Variants in KIF1A observed in about 807,000 individuals in gnomAD.
KIF1A encodes the protein kinesin family member 1A, also known as kinesin-like protein KIF1A.
In KIF1A, 46 loss-of-function variants were observed where a neutral mutation model predicts 227.3. The ratio of observed to expected loss-of-function variants is 0.20; its 90% CI spans 0.16 to 0.26. The LOEUF (loss-of-function observed/expected upper bound fraction) is 0.26, where lower values mean the gene tolerates loss of function less well. Ranked by LOEUF, KIF1A falls within the 10% of genes least tolerant of loss-of-function variation. The pLI, the probability that KIF1A is intolerant of heterozygous loss-of-function variation, is 1.00. For synonymous variants in KIF1A, 1,022 were observed against 1,012.8 expected (o/e 1.01, Z -0.17); for missense variants, 1,683 against 2,485.9 (o/e 0.68, Z 6.87).
At chr2:240,772,883 C>T (rs1575603201) in intron 13 of KIF1A, among the ~76,000 whole-genome samples, 1 of 152,238 alleles carries the variant, frequency 6.6e-6, no homozygotes, top group Non-Finnish European at 1.5e-5. Flanking sequence ...GGAAACTTGC[C>T]CTTGTCCAGG....
At chr2:240,814,315 A>G (rs1215416428) in intron 1 of KIF1A, among the ~76,000 whole-genome samples, 1 of 152,088 alleles carries the variant, frequency 6.6e-6, no homozygotes, top group Non-Finnish European at 1.5e-5. Context: ...TTGCCAACAA[A>G]GCCTGCTCAT....
At chr2:240,746,986 C>A (rs893813985) in intron 29 of KIF1A, among the ~76,000 whole-genome samples, 1 of 152,158 alleles carries the variant, frequency 6.6e-6, no homozygotes, top group Non-Finnish European at 1.5e-5. Context: ...ACCTGCTCTG[C>A]GCCCCGACTT....
intron 10 of KIF1A, among the ~76,000 whole-genome samples, chr2:240,776,723 G>A (rs1036238594): frequency 1.3e-5 from 2 of 152,220 alleles, no homozygotes; most frequent in Admixed American, 6.5e-5. Flanking sequence ...CTGCTGGGCC[G>A]GCAGATGAGG....
At chr2:240,743,370 G>A (rs992601003) in intron 33 of KIF1A, among the ~76,000 whole-genome samples, 4 of 152,220 alleles carry the variant, frequency 2.6e-5, no homozygotes, top group African/African-American at 9.6e-5. Context: ...GCCCACCCGA[G>A]GCCTCTCTGC....
At chr2:240,728,419 G>T (rs1284083302) in intron 38 of KIF1A, 1 of 1,301,628 alleles carries the variant, frequency 7.7e-7, no homozygotes, top group Admixed American at 2.3e-5. Context: ...AACGCTAAAG[G>T]TGGAGGCAGC....
chr2:240,810,790 G>C (rs969553597), intron 1 of KIF1A, among the ~76,000 whole-genome samples: 1 of 152,170 alleles, frequency 6.6e-6, no homozygotes, highest in African/African-American at 2.4e-5. Flanking sequence ...CGTGGAGGGG[G>C]TCTAAGGGCC....
At chr2:240,787,906 C>T (rs1559531260) in intron 4 of KIF1A, 145 bp downstream of exon 4, 2 of 737,418 alleles carry the variant, frequency 2.7e-6, no homozygotes, top group Non-Finnish European at 4.4e-6. Context: ...CCTGCCCCAG[C>T]CCCACTCTTG....
At position 240,745,777 on chromosome 2, in the gene KIF1A, C is replaced by A; in HGVS notation, c.3335G>T (p.Ser1112Ile). The A allele has an allele frequency of 6.2e-7, 1 of 1,612,892 alleles. No homozygotes were observed. Among genetic ancestry groups the A allele is most frequent in the Non-Finnish European group, 8.5e-7 (1 of 1,179,660 alleles). ...TFRVTVLQAS[S>I]ISAEYADIFC... ...GATGTCGGCATATTCGGCAGAGATGCTGGACGCCTGCAGGACTGTCACACG... is the reference window on the plus strand; with the variant it reads ...GATGTCGGCATATTCGGCAGAGATGATGGACGCCTGCAGGACTGTCACACG... Residue 1112 changes from serine (S) to isoleucine (I), a missense_variant, in exon 31 of 49, where the codon AGC (serine) becomes ATC (isoleucine). Physicochemically the swap from Ser to Ile is moderately radical, Grantham distance 142 (BLOSUM62 -2). Transcript: ENST00000498729.
At chr2:240,751,438 G>T (rs573846117) in intron 27 of KIF1A, among the ~76,000 whole-genome samples, 2 of 152,128 alleles carry the variant, frequency 1.3e-5, no homozygotes. Context: ...GAGACTCAGC[G>T]GGCTGTGAAC....
chr2:240,729,062 C>A (rs112922973), intron 38 of KIF1A, among the ~76,000 whole-genome samples: 1 of 152,158 alleles, frequency 6.6e-6, no homozygotes, highest in African/African-American at 2.4e-5. Context: ...ACGTCAGCAC[C>A]GCTGTCTGGT....
chr2:240,745,525 G>T lies in KIF1A; in HGVS notation c.3375-8C>A, dbSNP rs2048485549. ...TCGTGGCGGTGGATGAAGCTGCAAAGCAGAGGAGATGCTTTGGTGTGGGGT... is the reference window on the plus strand; with the variant it reads ...TCGTGGCGGTGGATGAAGCTGCAAATCAGAGGAGATGCTTTGGTGTGGGGT... On this transcript the variant is annotated splice_polypyrimidine_tract_variant and splice_region_variant and intron_variant, in intron 31 of 48. Coordinates refer to ENST00000498729, the MANE Select transcript of KIF1A (RefSeq NM_001244008.2). 6.2e-7 allele frequency: 1 copy of T among 1,605,096 alleles called. No homozygotes were observed. Among genetic ancestry groups the T allele is most frequent in the African/African-American group, 1.3e-5 (1 of 74,804 alleles).
chr2:240,797,813 C>T lies in KIF1A; in HGVS notation c.-60-1G>A. The T allele has an allele frequency of 9.5e-7, 1 of 1,051,410 alleles. No homozygotes were observed. The highest frequency in any genetic ancestry group is 1.4e-6 in the Non-Finnish European group (1 of 710,262). 65.1% of individuals were successfully genotyped at this position (1,051,410 alleles called of 1,614,324 possible). A position where few individuals can be genotyped will look rare whatever the true frequency, so the allele number is the denominator to read the frequency against. On this transcript the variant is annotated splice_acceptor_variant, in intron 1 of 48. Transcript: ENST00000498729. LOFTEE classifies it low-confidence loss of function (5UTR_SPLICE). ...GGGAGCCCCAGTGTGGGGGGAACAC[C>T]TTGGAAAAAAGGGAAACATGAATTA...
At chr2:240,732,820 CGAT>C (rs2046893813) in intron 38 of KIF1A, among the ~76,000 whole-genome samples, 2 of 77,726 alleles carry the variant, frequency 2.6e-5, no homozygotes, top group South Asian at 1.0e-3. Context: ...AGGGACGAGA[CGAT>C]GAGGGGGAAT....
chr2:240,718,414 C>A (rs1048345613), intron 47 of KIF1A, among the ~76,000 whole-genome samples: 1 of 152,232 alleles, frequency 6.6e-6, no homozygotes, highest in Non-Finnish European at 1.5e-5. Flanking sequence ...GACGTGACTG[C>A]CCCTCATGGC....
intron 37 of KIF1A, among the ~76,000 whole-genome samples, chr2:240,738,456 G>A (rs892592556): frequency 2.6e-5 from 4 of 152,198 alleles, no homozygotes; most frequent in African/African-American, 9.6e-5. Flanking sequence ...GGCCCTCTTG[G>A]GAGGGATGCT....
chr2:240,728,658 C>T (rs1194284879), intron 38 of KIF1A, among the ~76,000 whole-genome samples: 1 of 152,230 alleles, frequency 6.6e-6, no homozygotes, highest in Non-Finnish European at 1.5e-5. Flanking sequence ...CGTCTGTCCT[C>T]AGCTGGGCCA....
intron 4 of KIF1A, 70 bp downstream of exon 4, chr2:240,787,981 C>T (rs1275837676): frequency 1.2e-5 from 17 of 1,444,282 alleles, no homozygotes; most frequent in East Asian, 2.5e-5. Flanking sequence ...GTGCCTGGCC[C>T]GGAGCTCTCA....
chr2:240,738,153 C>A (rs972354696), intron 37 of KIF1A, among the ~76,000 whole-genome samples: 2 of 152,228 alleles, frequency 1.3e-5, no homozygotes, highest in African/African-American at 4.8e-5. Context: ...GGGAGGGGAG[C>A]GCAGCTGCTC....
rs1454271542 is a variant in KIF1A at position 240,766,749 on chromosome 2, T to TCTCTCTCACACA, written c.1684+165_1684+166insTGTGTGAGAGAG. Among the ~76,000 whole-genome samples, 518 of 109,002 alleles carry TCTCTCTCACACA rather than the reference T, an allele frequency of 4.8e-3. 2 individuals carry two copies. The highest frequency in any genetic ancestry group is 7.1e-3 in the Non-Finnish European group (400 of 56,730). 71.5% of individuals were successfully genotyped at this position (109,002 alleles called of 152,430 possible). A position where few individuals can be genotyped will look rare whatever the true frequency, so the allele number is the denominator to read the frequency against. On this transcript the variant is annotated intron_variant, in intron 19 of 48. Transcript: ENST00000498729. This position sits in a 1 kb window ranked among gnomAD's most constrained non-coding sequence, Gnocchi z 5.0. ...CTCTCTCTCTCTCTCTCTCTCTCTC[T>TCTCTCTCACACA]CACACACACACACACACACACACAC... is the stretch of plus-strand genomic sequence containing the variant.
Sources: gnomAD v4.1 joint callset for allele counts (sites outside exome capture counted in the v4.1 genomes callset) on GRCh38, gnomAD v4.1.1 for gene constraint, Gnocchi (gnomAD v3.1) non-coding constraint, MANE v1.5 for transcripts, NCBI Gene and HGNC (gene_info 2026-07-23, HGNC 2026-07-21) for gene names.